PSD3: variants seen among roughly 807,000 people sequenced by gnomAD.
The protein encoded by PSD3 is PH and SEC7 domain-containing protein 3.
A neutral mutation model predicts 105.5 loss-of-function variants in PSD3; 49 were observed. The ratio of observed to expected loss-of-function variants is 0.46; its 90% CI spans 0.37 to 0.59. PSD3 has a LOEUF of 0.59. Among genes scored for constraint, PSD3 ranks in the 20% least tolerant of loss-of-function variants. PSD3 has a pLI of 0.00. For synonymous variants in PSD3, 557 were observed against 457.8 expected (o/e 1.22, Z -2.77); for missense variants, 1,561 against 1,263.8 (o/e 1.24, Z -3.57).
At chr8:18,909,036 G>A (rs1219850060) in intron 2 of PSD3, among the ~76,000 whole-genome samples, 1 of 152,090 alleles carries the variant, frequency 6.6e-6, no homozygotes, top group Non-Finnish European at 1.5e-5. Flanking sequence ...CCAACTCAAA[G>A]TTTACTATGA....
At chr8:18,647,607 T>G (rs945371521) in intron 10 of PSD3, among the ~76,000 whole-genome samples, 5 of 61,556 alleles carry the variant, frequency 8.1e-5, no homozygotes, top group Non-Finnish European at 1.3e-4. Flanking sequence ...TTAAAACTGT[T>G]TTTTTTTTTT....
At chr8:18,611,140 G>C (rs1445578441) in intron 11 of PSD3, among the ~76,000 whole-genome samples, 1 of 151,734 alleles carries the variant, frequency 6.6e-6, no homozygotes, top group Non-Finnish European at 1.5e-5. Flanking sequence ...GACAATCACA[G>C]TGGGGATTCC....
intron 10 of PSD3, 116 bp from the exon 11 acceptor site, chr8:18,632,922 C>T: frequency 1.3e-6 from 1 of 775,556 alleles, no homozygotes; most frequent in Non-Finnish European, 2.0e-6. Context: ...TTTTTATAAC[C>T]ACCACCATGA....
At chr8:18,768,143 G>A (rs1006066785) in intron 8 of PSD3, among the ~76,000 whole-genome samples, 20 of 146,018 alleles carry the variant, frequency 1.4e-4, no homozygotes, top group South Asian at 6.7e-4. Context: ...AAAAATAGCC[G>A]GATGTCATGG....
chr8:18,776,276 T>C (rs1209732343), intron 8 of PSD3, among the ~76,000 whole-genome samples: 2 of 142,302 alleles, frequency 1.4e-5, no homozygotes, highest in East Asian at 2.0e-4. Flanking sequence ...ATATATAATG[T>C]ATAAATATAT....
intron 9 of PSD3, among the ~76,000 whole-genome samples, chr8:18,740,338 C>T (rs1391252539): frequency 6.6e-6 from 1 of 152,174 alleles, no homozygotes; most frequent in Admixed American, 6.5e-5. Flanking sequence ...ACCTCAACTG[C>T]ACCCTTTCTG....
intron 1 of PSD3, among the ~76,000 whole-genome samples, chr8:18,941,954 G>A (rs1231649447): frequency 6.6e-6 from 1 of 152,058 alleles, no homozygotes; most frequent in Non-Finnish European, 1.5e-5. Flanking sequence ...ATTACAACAG[G>A]TGTGAGCTGC....
chr8:18,702,242 T>A (rs1395408333), intron 9 of PSD3, among the ~76,000 whole-genome samples: 1 of 152,240 alleles, frequency 6.6e-6, no homozygotes, highest in African/African-American at 2.4e-5. Context: ...ATCTCTCAGA[T>A]CCACATTCTC....
intron 4 of PSD3, among the ~76,000 whole-genome samples, chr8:18,806,420 T>C (rs955676801): frequency 5.3e-5 from 8 of 152,238 alleles, no homozygotes; most frequent in African/African-American, 1.9e-4. Context: ...TGGTCAGGTA[T>C]AGAGGGTTCT....
At chr8:18,811,239 G>C (rs1448649289) in intron 4 of PSD3, among the ~76,000 whole-genome samples, 1 of 152,160 alleles carries the variant, frequency 6.6e-6, no homozygotes, top group African/African-American at 2.4e-5. Context: ...GGAAAACTGA[G>C]GCAAGGAGCT....
chr8:18,871,783 A>T lies in PSD3; in HGVS notation c.1081T>A (p.Trp361Arg), dbSNP rs555381666. The T allele has an allele frequency of 6.2e-7, 1 of 1,614,208 alleles. No homozygotes were observed. The highest frequency in any genetic ancestry group is 1.3e-5 in the African/African-American group (1 of 75,068). The change falls in exon 3 of 16, where the codon TGG (tryptophan) becomes AGG (arginine). Residue 361 changes from tryptophan to arginine, a missense_variant. Physicochemically the swap from Trp to Arg is moderately radical, Grantham distance 101. Coordinates refer to ENST00000327040, the MANE Select transcript of PSD3 (RefSeq NM_015310.4). ...GAAGGAGCTTTCCAGGATTCATCCC[A>T]AACATTCTCAGTTAAACTACTTGAA... ...CNSSSLTENVWDESWKAPSER... is the reference protein window; with the variant it reads ...CNSSSLTENVRDESWKAPSER...
chr8:19,016,515 A>G (rs1827184015), upstream of PSD3, among the ~76,000 whole-genome samples: 1 of 152,216 alleles, frequency 6.6e-6, no homozygotes. Flanking sequence ...CAAAAATCTC[A>G]AATACAAATT....
chr8:18,530,955 C>T lies in PSD3; in HGVS notation c.*4788G>A, dbSNP rs1279361822. ...AATCAGTCCTATGAGGTTGTACTTG[C>T]TTTTCATATCACACTGATTAAGGAC... On this transcript the variant is annotated 3_prime_UTR_variant, in exon 16 of 16. Transcript: ENST00000327040. 1 of 152,164 alleles carries T rather than the reference C, an allele frequency of 6.6e-6. No homozygotes were observed. The highest frequency in any genetic ancestry group is 2.4e-5 in the African/African-American group (1 of 41,432). 9.4% of individuals were successfully genotyped at this position (152,164 alleles called of 1,614,324 possible).
At chr8:18,697,786 C>T (rs543717547) in intron 9 of PSD3, among the ~76,000 whole-genome samples, 1 of 152,280 alleles carries the variant, frequency 6.6e-6, no homozygotes, top group African/African-American at 2.4e-5. Flanking sequence ...CTCTCCAGTT[C>T]CTTCTGGCAT....
At chr8:18,537,048 T>C (rs1404374672) in intron 15 of PSD3, among the ~76,000 whole-genome samples, 1 of 152,180 alleles carries the variant, frequency 6.6e-6, no homozygotes, top group Non-Finnish European at 1.5e-5. Context: ...CAGTTTTAAG[T>C]TAGTAATTTA....
At position 18,774,933 on chromosome 8, in the gene PSD3, C is replaced by G. The variant is rs148387613; in HGVS notation, c.2083-9395G>C. 44 of 456,204 alleles carry G rather than the reference C, an allele frequency of 9.6e-5. No homozygotes were observed. In the East Asian group the frequency reaches 2.6e-3, roughly 27 times the overall value. 28.3% of individuals were successfully genotyped at this position (456,204 alleles called of 1,614,324 possible). On this transcript the variant is annotated intron_variant, in intron 8 of 15. Transcript: ENST00000327040. ...ATCTTGGCTACGGCTGCAAAAGCCA[C>G]CACCGCTGCCAAATGCCCCGAGGGA...
chr8:18,752,642 AATATATAT>A (rs1174648004), intron 9 of PSD3, among the ~76,000 whole-genome samples: 1 of 89,288 alleles, frequency 1.1e-5, no homozygotes, highest in East Asian at 2.5e-4. Context: ...TAATATATAT[AATATATAT>A]AATATATTAT....
intron 14 of PSD3, among the ~76,000 whole-genome samples, chr8:18,559,617 G>T (rs1336680438): frequency 2.2e-5 from 2 of 91,576 alleles, no homozygotes; most frequent in Non-Finnish European, 4.3e-5. Context: ...TTTGGTAAAA[G>T]AATTTACAAA....
intron 14 of PSD3, among the ~76,000 whole-genome samples, chr8:18,562,573 C>G (rs1348236037): frequency 6.6e-6 from 1 of 152,140 alleles, no homozygotes; most frequent in Non-Finnish European, 1.5e-5. Context: ...GGTTACTCAC[C>G]TTGCTCCAAA....
Sources: allele counts gnomAD v4.1 joint callset (sites outside exome capture counted in the v4.1 genomes callset), GRCh38; gene constraint gnomAD v4.1.1; transcripts MANE v1.5; gene names NCBI Gene and HGNC (gene_info 2026-07-23, HGNC 2026-07-21).